The following RASA3 variants were observed in gnomAD, a reference collection of about 807,000 sequenced individuals.
RASA3 encodes RAS p21 protein activator 3.
A neutral mutation model predicts 110.0 loss-of-function variants in RASA3; 73 were observed. That is an observed-to-expected ratio of 0.66 (90% CI 0.55 to 0.81). RASA3 has a LOEUF of 0.81. Ranked by LOEUF, RASA3 falls within the 30% of genes least tolerant of loss-of-function variation. RASA3 has a pLI of 0.00. For missense variants in RASA3, 976 were observed against 1,113.2 expected, an observed-to-expected ratio of 0.88 and a Z score of 1.75; for synonymous variants, 500 against 451.4, an observed-to-expected ratio of 1.11 and a Z score of -1.37.
rs180942756 is a variant in RASA3 at position 114,115,974 on chromosome 13, G to A, written c.55+16461C>T. 2.0e-5 allele frequency among the ~76,000 whole-genome samples: 3 copies of A among 152,352 alleles called. No homozygotes were observed. Among genetic ancestry groups the A allele is most frequent in the Admixed American group, 6.5e-5 (1 of 15,312 alleles). ...GGCGTCTGCAGTTGAGGCGGGTGAC[G>A]TTCTGGGGTCCCTGGGAAGTTGTCA... On this transcript the variant is annotated intron_variant, in intron 1 of 23. Transcript: ENST00000334062. This position sits in a 1 kb window ranked among gnomAD's most constrained non-coding sequence, Gnocchi z 5.0.
chr13:114,061,206 C>T (rs1022009680), intron 2 of RASA3, among the ~76,000 whole-genome samples: 3 of 152,170 alleles, frequency 2.0e-5, no homozygotes, highest in East Asian at 1.9e-4. Flanking sequence ...TCTCCACCCC[C>T]GCCACGGCCG....
At position 114,129,691 on chromosome 13, in the gene RASA3, GTTAAC is replaced by G. The variant is rs1027700961; in HGVS notation, c.55+2739_55+2743del. ...TGTTCTGGGAGTGAGGGGGCAGGGT[GTTAAC>G]TTAACCCTGAACAACACTGCCTTGT... On this transcript the variant is annotated intron_variant, in intron 1 of 23. Coordinates refer to ENST00000334062, the MANE Select transcript of RASA3 (RefSeq NM_007368.4). 4.6e-5 allele frequency among the ~76,000 whole-genome samples: 7 copies of G among 152,332 alleles called. No individual in the cohort carries two copies. In the East Asian group the frequency reaches 5.8e-4, roughly 13 times the overall value.
In RASA3 at chr13:114,114,118, A is replaced by G. The variant is rs891020111; in HGVS notation, c.55+18317T>C. Among the ~76,000 whole-genome samples, 7 of 152,194 alleles carry G rather than the reference A, an allele frequency of 4.6e-5. No homozygotes were observed. Among genetic ancestry groups the G allele is most frequent in the Non-Finnish European group, 7.3e-5 (5 of 68,038 alleles). On this transcript the variant is annotated intron_variant, in intron 1 of 23. Transcript: ENST00000334062. This position sits in a 1 kb window ranked among gnomAD's most constrained non-coding sequence, Gnocchi z 4.8. ...TGTCTGTAGTGTCTGCGATGTCTGT[A>G]GTATCTGCAATGTCCATGCAGCTCT...
intron 18 of RASA3, among the ~76,000 whole-genome samples, 182 bp from the exon 19 acceptor site, chr13:114,001,114 G>T (rs58950405): frequency 6.6e-6 from 1 of 152,128 alleles, no homozygotes; most frequent in Non-Finnish European, 1.5e-5. Context: ...CCTTTGAAAA[G>T]TTGAGCGCTG....
intron 1 of RASA3, among the ~76,000 whole-genome samples, chr13:114,104,804 G>A (rs920582443): frequency 9.9e-5 from 15 of 151,966 alleles, no homozygotes; most frequent in Admixed American, 7.9e-4. Context: ...TCTGGAGGGG[G>A]GGCTACCGCC....
chr13:114,038,375 C>T (rs1474350880), intron 4 of RASA3, among the ~76,000 whole-genome samples: 4 of 152,266 alleles, frequency 2.6e-5, no homozygotes, highest in South Asian at 4.1e-4. Flanking sequence ...TCCGGGGATG[C>T]GAGGACAGTC....
Position 114,114,791 on chromosome 13 carries a change from A to G in RASA3, c.55+17644T>C, listed in dbSNP as rs1035231556. On this transcript the variant is annotated intron_variant, in intron 1 of 23. Coordinates refer to ENST00000334062, the MANE Select transcript of RASA3 (RefSeq NM_007368.4). The surrounding 1 kb of genome is among the most constrained non-coding windows in gnomAD (Gnocchi z 4.8). Reference sequence around the variant, plus strand: ...AAGCTTACTTGGCTTTGATTTTTCAACCACCCGCCCTCATGTGCAGGGACA... The same window carrying G: ...AAGCTTACTTGGCTTTGATTTTTCAGCCACCCGCCCTCATGTGCAGGGACA... Among the ~76,000 whole-genome samples, 2 of 152,144 alleles carry G rather than the reference A, an allele frequency of 1.3e-5. No homozygotes were observed. Among genetic ancestry groups the G allele is most frequent in the Admixed American group, 6.5e-5 (1 of 15,272 alleles).
rs1566502203 is a variant in RASA3, at chr13:114,030,556, A to AAGACTCACACAGAGG, written c.373-670_373-669insCCTCTGTGTGAGTCT. 4.8e-3 allele frequency among the ~76,000 whole-genome samples: 496 copies of AAGACTCACACAGAGG among 103,080 alleles called. 17 individuals carry two copies. The highest frequency in any genetic ancestry group is 0.017 in the African/African-American group (476 of 27,810). The allele number at this position is 103,080 out of a possible 152,430, so 67.6% of individuals were successfully genotyped here. A position where few individuals can be genotyped will look rare whatever the true frequency, so the allele number is the denominator to read the frequency against. On this transcript the variant is annotated intron_variant, in intron 4 of 23. Coordinates refer to ENST00000334062, the MANE Select transcript of RASA3 (RefSeq NM_007368.4). Reference sequence around the variant, plus strand: ...CACAGAGGGCAAGACTCACACAGACAGCAAGGCTCACGGGGGCTTCTAGCA... The same window carrying AAGACTCACACAGAGG: ...CACAGAGGGCAAGACTCACACAGACAAGACTCACACAGAGGGCAAGGCTCACGGGGGCTTCTAGCA...
chr13:114,053,678 G>T (rs1056686171), intron 2 of RASA3, among the ~76,000 whole-genome samples: 7 of 152,298 alleles, frequency 4.6e-5, no homozygotes, highest in African/African-American at 1.7e-4. Flanking sequence ...TAGCCTCTCA[G>T]AAGAAAATGA....
At position 114,014,575 on chromosome 13, in the gene RASA3, G is replaced by C. The variant is rs1211532892; in HGVS notation, c.1405+634C>G. On this transcript the variant is annotated intron_variant, in intron 14 of 23. Coordinates refer to ENST00000334062, the MANE Select transcript of RASA3 (RefSeq NM_007368.4). This position sits in a 1 kb window ranked among gnomAD's most constrained non-coding sequence, Gnocchi z 4.5. ...CCCCATACATAGCCTGAGTCCTGGC[G>C]GGGTCTTGAGTATCGCAGGTGATGG... Among the ~76,000 whole-genome samples the C allele has an allele frequency of 1.3e-5, 2 of 152,154 alleles. No homozygotes were observed. The highest frequency in any genetic ancestry group is 2.9e-5 in the Non-Finnish European group (2 of 68,014).
chr13:114,000,990 G>A, intron 18 of RASA3, 58 bp from the exon 19 acceptor site: 3 of 1,127,952 alleles, frequency 2.7e-6, no homozygotes, highest in Non-Finnish European at 4.0e-6. Context: ...CTGCACAGGT[G>A]AAAAACCACA....
In RASA3 at chr13:114,090,894, T is replaced by C. The variant is rs543484894; in HGVS notation, c.56-17057A>G. On this transcript the variant is annotated intron_variant, in intron 1 of 23. Transcript: ENST00000334062. The stretch of plus-strand genomic sequence containing the variant: ...TAGAAGGTGGAGAGAGGTGGGAACA[T>C]TCTATTTTTGAAGGTTTCCCTATAA... Among the ~76,000 whole-genome samples the C allele has an allele frequency of 3.3e-5, 5 of 152,258 alleles. No individual in the cohort carries two copies. The South Asian group carries it at 1.0e-3, about 32-fold the overall frequency.
chr13:114,104,875 C>A (rs2080112839), intron 1 of RASA3, among the ~76,000 whole-genome samples: 1 of 149,882 alleles, frequency 6.7e-6, no homozygotes, highest in South Asian at 2.1e-4. Context: ...CCTCCCCACA[C>A]ACGCTACCCA....
intron 3 of RASA3, among the ~76,000 whole-genome samples, chr13:114,043,896 CCGCCCCGCCT>C (rs2078993217): frequency 9.0e-5 from 2 of 22,264 alleles, no homozygotes; most frequent in Non-Finnish European, 7.1e-5. Flanking sequence ...CTGAGCCCCC[CCGCCCCGCCT>C]CACTCTCTGA....
intron 18 of RASA3, among the ~76,000 whole-genome samples, chr13:114,001,745 A>G (rs1413520149): frequency 1.3e-5 from 2 of 152,004 alleles, no homozygotes; most frequent in Non-Finnish European, 2.9e-5. Context: ...CGGGCAGCAG[A>G]CGCCCATACT....
In RASA3 at chr13:114,073,730, T is replaced by A; in HGVS notation, c.163A>T (p.Lys55Ter). ...AACAGAAGACATTACCAGAGTGACTTTTCCACAATTTTGGTCCTGAAAACC... is the reference window on the plus strand; with the variant it reads ...AACAGAAGACATTACCAGAGTGACTATTCCACAATTTTGGTCCTGAAAACC... ...EEVFRTKIVE[K>*]SLCPFYGEDF... The change falls in exon 2 of 24, where the codon AAG (lysine) becomes TAG (stop). Residue 55 changes from lysine to a stop codon, truncating the protein, a stop_gained. Transcript: ENST00000334062. LOFTEE classifies it high-confidence loss of function. The A allele has an allele frequency of 6.2e-7, 1 of 1,613,532 alleles. No individual in the cohort carries two copies. The highest frequency in any genetic ancestry group is 8.5e-7 in the Non-Finnish European group (1 of 1,179,412).
chr13:114,016,671 G>A (rs756889399), intron 12 of RASA3, among the ~76,000 whole-genome samples: 8 of 152,256 alleles, frequency 5.3e-5, no homozygotes, highest in Non-Finnish European at 1.0e-4. Context: ...CAGCCCACAC[G>A]GACTAGGCCT....
chr13:114,042,987 T>A (rs1223911375), intron 3 of RASA3, among the ~76,000 whole-genome samples: 2 of 152,196 alleles, frequency 1.3e-5, no homozygotes, highest in Non-Finnish European at 2.9e-5. Flanking sequence ...GTCCCCACCC[T>A]GCGAGGTCCC....
At chr13:114,108,455 CATCCTCCGTCCATCACCCCACGTCCATG>C (rs2080170791) in intron 1 of RASA3, among the ~76,000 whole-genome samples, 1 of 112,246 alleles carries the variant, frequency 8.9e-6, no homozygotes, top group Non-Finnish European at 1.8e-5. Context: ...CCCCGTCCGT[CATCCTCCGTCCATCACCCCACGTCCATG>C]ATCCCCCGTC....
Sources: gnomAD v4.1 joint callset for allele counts (sites outside exome capture counted in the v4.1 genomes callset) on GRCh38, gnomAD v4.1.1 for gene constraint, Gnocchi (gnomAD v3.1) non-coding constraint, MANE v1.5 for transcripts, NCBI Gene and HGNC (gene_info 2026-07-23, HGNC 2026-07-21) for gene names.